ETV1: variants seen among roughly 807,000 people sequenced by gnomAD.
The protein encoded by ETV1 is ETS translocation variant 1.
In ETV1, 27 loss-of-function variants were observed where a neutral mutation model predicts 62.3. That is an observed-to-expected ratio of 0.43 (90% CI 0.32 to 0.60). The LOEUF (loss-of-function observed/expected upper bound fraction) is 0.60, where lower values mean the gene tolerates loss of function less well. ETV1 is among the 20% of genes least tolerant of loss of function. ETV1 has a pLI of 0.06. For missense variants in ETV1, 605 were observed against 605.8 expected (o/e 1.00, Z 0.01); for synonymous variants, 222 against 199.6 (o/e 1.11, Z -0.94).
chr7:13,983,458 A>G (rs548855884), intron 5 of ETV1, among the ~76,000 whole-genome samples: 2 of 152,080 alleles, frequency 1.3e-5, no homozygotes, highest in East Asian at 3.9e-4. Flanking sequence ...TGTTGATAGA[A>G]TTGATATTTA....
chr7:13,988,110 T>C lies in ETV1; in HGVS notation c.109A>G (p.Arg37Gly), dbSNP rs1782714207. The C allele has an allele frequency of 1.9e-6, 3 of 1,612,446 alleles. No homozygotes were observed. The highest frequency in any genetic ancestry group is 2.5e-6 in the Non-Finnish European group (3 of 1,178,470). The change falls in exon 4 of 14, where the codon AGA becomes GGA. Residue 37 changes from arginine (R) to glycine (G), a missense_variant. By Grantham distance (125) the Arg-to-Gly change is moderately radical. Transcript: ENST00000430479. ...CCTTCTGAATCATGAGCCAGATCTC[T>C]GTTAATGAATTTTCTTTTCCTGACA... is the stretch of plus-strand genomic sequence containing the variant. ...TNVRKRKFIN[R>G]DLAHDSEELF...
Position 13,960,608 on chromosome 7 carries a change from A to G in ETV1, c.235+16819T>C, listed in dbSNP as rs940657525. On this transcript the variant is annotated intron_variant, in intron 6 of 13. Coordinates refer to ENST00000430479, the MANE Select transcript of ETV1 (RefSeq NM_004956.5). ...AATCTATAAAATTTATAAATTTATA[A>G]AATTTGTAAATCTATAAAACTTAGA... Among the ~76,000 whole-genome samples, 8 of 152,222 alleles carry G rather than the reference A, an allele frequency of 5.3e-5. No individual in the cohort carries two copies. In the South Asian group the frequency reaches 1.7e-3, roughly 32 times the overall value.
chr7:13,910,144 T>C (rs954798836), intron 10 of ETV1, among the ~76,000 whole-genome samples: 9 of 151,708 alleles, frequency 5.9e-5, no homozygotes, highest in African/African-American at 1.9e-4. Context: ...ATTTATTTTA[T>C]CCTCTTACTT....
At chr7:13,916,016 G>GTGAATGTAA (rs1562608347) in intron 9 of ETV1, among the ~76,000 whole-genome samples, 20 of 148,628 alleles carry the variant, frequency 1.3e-4, no homozygotes, top group Admixed American at 3.3e-4. Flanking sequence ...TGAACTGGAT[G>GTGAATGTAA]CGAATGTAAC....
intron 6 of ETV1, among the ~76,000 whole-genome samples, chr7:13,947,507 C>T (rs992009053): frequency 2.0e-5 from 3 of 151,994 alleles, no homozygotes; most frequent in African/African-American, 7.2e-5. Context: ...TAATAATTCC[C>T]ATTTAACAGA....
At chr7:13,968,963 G>C (rs1175998131) in intron 6 of ETV1, among the ~76,000 whole-genome samples, 1 of 152,052 alleles carries the variant, frequency 6.6e-6, no homozygotes, top group Admixed American at 6.5e-5. Flanking sequence ...TTTTCATTTT[G>C]ATTTAAAAAA....
chr7:13,931,886 G>T, intron 8 of ETV1, 137 bp from the exon 9 acceptor site: 2 of 1,054,134 alleles, frequency 1.9e-6, no homozygotes, highest in Non-Finnish European at 2.7e-6. Context: ...CAAGCATTAC[G>T]TTTTTCTTTC....
At chr7:13,984,828 G>A (rs1351516706) in intron 5 of ETV1, among the ~76,000 whole-genome samples, 4 of 151,612 alleles carry the variant, frequency 2.6e-5, no homozygotes, top group East Asian at 1.9e-4. Flanking sequence ...TAATAATCCC[G>A]GAGAAAGACT....
chr7:13,912,612 T>C (rs1783673150), intron 9 of ETV1, among the ~76,000 whole-genome samples: 1 of 152,168 alleles, frequency 6.6e-6, no homozygotes, highest in South Asian at 2.1e-4. Flanking sequence ...AATTTAGAAA[T>C]ATATGGAATA....
chr7:13,936,179 CA>C, intron 7 of ETV1, among the ~76,000 whole-genome samples: 1 of 152,128 alleles, frequency 6.6e-6, no homozygotes, highest in South Asian at 2.1e-4. Flanking sequence ...AAATTACGTC[CA>C]AAAAAGCAGT....
At chr7:13,901,236 C>T (rs559558865) in intron 12 of ETV1, among the ~76,000 whole-genome samples, 1 of 152,274 alleles carries the variant, frequency 6.6e-6, no homozygotes, top group Admixed American at 6.5e-5. Context: ...AACTCCTGAC[C>T]TCAGGTGGTC....
chr7:13,929,675 T>G (rs2128447402), intron 9 of ETV1, among the ~76,000 whole-genome samples: 1 of 152,268 alleles, frequency 6.6e-6, no homozygotes, highest in Non-Finnish European at 1.5e-5. Flanking sequence ...TGTGCTCTGG[T>G]TTCAGAAAAC....
chr7:13,954,074 C>T (rs956909666), intron 6 of ETV1, among the ~76,000 whole-genome samples: 2 of 152,084 alleles, frequency 1.3e-5, no homozygotes, highest in East Asian at 1.9e-4. Flanking sequence ...CTACCAAATA[C>T]TAATATGCCT....
chr7:13,987,389 T>TA (rs1782644137), intron 4 of ETV1, among the ~76,000 whole-genome samples: 1 of 152,162 alleles, frequency 6.6e-6, no homozygotes, highest in Admixed American at 6.5e-5. Flanking sequence ...AATTGCCAAC[T>TA]AAACTTTGAT....
At chr7:13,925,684 G>T (rs945055181) in intron 9 of ETV1, among the ~76,000 whole-genome samples, 4 of 151,516 alleles carry the variant, frequency 2.6e-5, no homozygotes, top group African/African-American at 9.7e-5. Flanking sequence ...TCCTGCCTCA[G>T]CCTCCAGAGT....
chr7:13,977,331 A>G (rs1418687622), intron 6 of ETV1, 96 bp downstream of exon 6: 15 of 787,218 alleles, frequency 1.9e-5, no homozygotes, highest in Non-Finnish European at 2.9e-5. Flanking sequence ...ACAATGTAAG[A>G]CAAGACACTG....
intron 12 of ETV1, among the ~76,000 whole-genome samples, chr7:13,904,608 A>G (rs954706887): frequency 3.3e-5 from 5 of 152,154 alleles, no homozygotes; most frequent in Non-Finnish European, 7.3e-5. Context: ...TAACAAATAT[A>G]TGGCAGGAAC....
At chr7:13,935,663 AGAACGCAAAAAACAGTTT>A in intron 8 of ETV1, 27 bp downstream of exon 8, 1 of 1,550,784 alleles carries the variant, frequency 6.4e-7, no homozygotes, top group Non-Finnish European at 8.9e-7. Context: ...ATTTTTTCCA[AGAACGCAAAAAACAGTTT>A]CTAGAAAACT....
Position 13,892,857 on chromosome 7 carries a change from C to G in ETV1, c.*3009G>C, listed in dbSNP as rs962196934. The G allele has an allele frequency of 4.3e-6, 1 of 232,050 alleles. No individual in the cohort carries two copies. The highest frequency in any genetic ancestry group is 8.5e-6 in the Non-Finnish European group (1 of 117,390). 14.4% of individuals were successfully genotyped at this position (232,050 alleles called of 1,614,324 possible). On this transcript the variant is annotated 3_prime_UTR_variant, in exon 14 of 14. Transcript: ENST00000430479. The stretch of plus-strand genomic sequence containing the variant: ...TCTCCCCTGGAGCCTCCAGAAGGAA[C>G]CAGACCTAAGGACATCTTGGTTTTA...
Sources: allele counts gnomAD v4.1 joint callset (sites outside exome capture counted in the v4.1 genomes callset), GRCh38; gene constraint gnomAD v4.1.1; transcripts MANE v1.5; gene names NCBI Gene and HGNC (gene_info 2026-07-23, HGNC 2026-07-21).